Variants in SLC24A3 observed in about 807,000 individuals in gnomAD.
The protein encoded by SLC24A3 is sodium/potassium/calcium exchanger 3.
A neutral mutation model predicts 75.8 loss-of-function variants in SLC24A3; 28 were observed. That is an observed-to-expected ratio of 0.37 (90% CI 0.27 to 0.51). The LOEUF (loss-of-function observed/expected upper bound fraction) is 0.51, where lower values mean the gene tolerates loss of function less well. Ranked by LOEUF, SLC24A3 falls within the 20% of genes least tolerant of loss-of-function variation. The pLI is 0.94. For missense variants in SLC24A3, 663 were observed against 847.8 expected (o/e 0.78, Z 2.71); for synonymous variants, 372 against 334.1 (o/e 1.11, Z -1.24).
chr20:19,612,707 T>C (rs1007022118), intron 6 of SLC24A3, among the ~76,000 whole-genome samples: 4 of 151,954 alleles, frequency 2.6e-5, no homozygotes, highest in African/African-American at 9.7e-5. Context: ...TCTGCTGCCA[T>C]CTGGCTCAGC....
In SLC24A3 at chr20:19,252,643, C is replaced by CGGGG. The variant is rs35974779; in HGVS notation, c.143-28310_143-28307dup. 1.1e-3 allele frequency among the ~76,000 whole-genome samples: 150 copies of CGGGG among 133,376 alleles called. 1 individual carries two copies. The highest frequency in any genetic ancestry group is 2.6e-3 in the South Asian group (10 of 3,882). 87.5% of individuals were successfully genotyped at this position (133,376 alleles called of 152,430 possible). On this transcript the variant is annotated intron_variant, in intron 1 of 16. Coordinates refer to ENST00000328041, the MANE Select transcript of SLC24A3 (RefSeq NM_020689.4). ...AACAAAAAGCCTGAAATTGGAATGG[C>CGGGG]GGGGGGGGGTGCCTGTTCCAGAAAC...
intron 2 of SLC24A3, among the ~76,000 whole-genome samples, chr20:19,404,877 T>A (rs1426718482): frequency 2.0e-5 from 3 of 152,218 alleles, no homozygotes; most frequent in Non-Finnish European, 2.9e-5. Flanking sequence ...TGGTCTTGCA[T>A]TCCTGGTTTC....
chr20:19,677,686 C>CT lies in SLC24A3; in HGVS notation c.767+4052dup, dbSNP rs796484728. On this transcript the variant is annotated intron_variant, in intron 9 of 16. Coordinates refer to ENST00000328041, the MANE Select transcript of SLC24A3 (RefSeq NM_020689.4). ...ACTCTTTTAGGATTCTTTTTTTTTT[C>CT]TTTTTTTTTTTTTTTTTTTTAATTT... Among the ~76,000 whole-genome samples the CT allele has an allele frequency of 3.0e-3, 340 of 113,942 alleles. 1 individual carries two copies. The highest frequency in any genetic ancestry group is 0.011 in the East Asian group (40 of 3,798). 74.8% of individuals were successfully genotyped at this position (113,942 alleles called of 152,430 possible).
intron 2 of SLC24A3, among the ~76,000 whole-genome samples, chr20:19,468,448 G>A (rs1032749788): frequency 6.6e-6 from 1 of 152,040 alleles, no homozygotes; most frequent in Admixed American, 6.5e-5. Context: ...TTAACAGCAA[G>A]CAGGAGAGAG....
chr20:19,533,293 G>A (rs1327589074), intron 3 of SLC24A3, among the ~76,000 whole-genome samples: 2 of 152,196 alleles, frequency 1.3e-5, no homozygotes, highest in African/African-American at 4.8e-5. Context: ...AACAGAGGAG[G>A]CTGAATGGTT....
chr20:19,552,996 T>G (rs2030721243), intron 3 of SLC24A3, among the ~76,000 whole-genome samples: 2 of 151,670 alleles, frequency 1.3e-5, no homozygotes, highest in South Asian at 4.2e-4. Context: ...GACCTCGCCT[T>G]TCCCTCGTTC....
intron 3 of SLC24A3, among the ~76,000 whole-genome samples, chr20:19,538,722 T>G (rs1414949962): frequency 1.3e-5 from 2 of 152,170 alleles, no homozygotes; most frequent in Admixed American, 1.3e-4. Flanking sequence ...CACTAAGTAG[T>G]AGAGCTGAAC....
intron 7 of SLC24A3, among the ~76,000 whole-genome samples, chr20:19,660,581 T>TTGTGC (rs2122716093): frequency 6.6e-6 from 1 of 152,322 alleles, no homozygotes; most frequent in South Asian, 2.1e-4. Context: ...CAACTGTGAA[T>TTGTGC]TGTGCTGTGA....
chr20:19,343,621 G>T (rs764766272), intron 2 of SLC24A3, among the ~76,000 whole-genome samples: 2 of 152,138 alleles, frequency 1.3e-5, no homozygotes, highest in Non-Finnish European at 2.9e-5. Context: ...TCTCTGTGGG[G>T]CTGTTTGGAA....
At chr20:19,223,438 G>C (rs1247779315) in intron 1 of SLC24A3, among the ~76,000 whole-genome samples, 1 of 152,182 alleles carries the variant, frequency 6.6e-6, no homozygotes, top group African/African-American at 2.4e-5. Flanking sequence ...GATTTTTCCA[G>C]TGTTATTTGT....
chr20:19,505,610 A>C (rs923568232), intron 2 of SLC24A3, among the ~76,000 whole-genome samples: 1 of 152,150 alleles, frequency 6.6e-6, no homozygotes, highest in Non-Finnish European at 1.5e-5. Context: ...TACCACCGTG[A>C]GCAACCAGAG....
At chr20:19,222,175 G>C (rs910545114) in intron 1 of SLC24A3, among the ~76,000 whole-genome samples, 1 of 152,096 alleles carries the variant, frequency 6.6e-6, no homozygotes, top group African/African-American at 2.4e-5. Context: ...GTAGCATCCT[G>C]TTCCGCTTCA....
At chr20:19,258,889 C>T (rs1982900851) in intron 1 of SLC24A3, among the ~76,000 whole-genome samples, 1 of 152,130 alleles carries the variant, frequency 6.6e-6, no homozygotes, top group African/African-American at 2.4e-5. Flanking sequence ...TTGTGAGACA[C>T]TTAAGCAAAT....
rs150765014 is a variant in SLC24A3, at chr20:19,609,591, G to A, written c.612+24047G>A. Among the ~76,000 whole-genome samples the A allele has an allele frequency of 2.5e-4, 38 of 151,808 alleles. No individual in the cohort carries two copies. In the East Asian group the frequency reaches 6.2e-3, roughly 25 times the overall value. On this transcript the variant is annotated intron_variant, in intron 6 of 16. Coordinates refer to ENST00000328041, the MANE Select transcript of SLC24A3 (RefSeq NM_020689.4). The stretch of plus-strand genomic sequence containing the variant: ...TTGCCCCCCACCTCCAACAGGCCCC[G>A]GTGTGTGTTGTTCCCCTCCCTGTGT...
intron 1 of SLC24A3, 91 bp downstream of exon 1, chr20:19,213,075 G>GGCCGGAGCCCCAGGCC (rs1452773166): frequency 2.7e-6 from 3 of 1,127,070 alleles, no homozygotes; most frequent in Admixed American, 9.8e-5. Flanking sequence ...CGGGCGGCCC[G>GGCCGGAGCCCCAGGCC]GCCGGAGCCC....
intron 4 of SLC24A3, among the ~76,000 whole-genome samples, chr20:19,581,593 T>C (rs1363214625): frequency 6.6e-6 from 1 of 152,198 alleles, no homozygotes; most frequent in Non-Finnish European, 1.5e-5. Flanking sequence ...GTTATTTTAC[T>C]AGGTCCCTGA....
At chr20:19,279,029 C>T (rs1184551033) in intron 1 of SLC24A3, among the ~76,000 whole-genome samples, 1 of 152,212 alleles carries the variant, frequency 6.6e-6, no homozygotes, top group Non-Finnish European at 1.5e-5. Flanking sequence ...GAGTACCTAC[C>T]CTGAGCCAGC....
chr20:19,636,299 G>A (rs1230104654), intron 6 of SLC24A3, among the ~76,000 whole-genome samples: 3 of 152,168 alleles, frequency 2.0e-5, no homozygotes, highest in Admixed American at 1.3e-4. Flanking sequence ...CTCTTGACGA[G>A]AGGAGTGTCA....
intron 2 of SLC24A3, among the ~76,000 whole-genome samples, chr20:19,428,297 A>G (rs1987046622): frequency 6.6e-6 from 1 of 152,172 alleles, no homozygotes; most frequent in Admixed American, 6.5e-5. Flanking sequence ...CAGTGTGCTT[A>G]TTGTTTGCTA....
Sources: gnomAD v4.1 joint callset for allele counts (sites outside exome capture counted in the v4.1 genomes callset) on GRCh38, gnomAD v4.1.1 for gene constraint, MANE v1.5 for transcripts, NCBI Gene and HGNC (gene_info 2026-07-23, HGNC 2026-07-21) for gene names.